The following FRMD6 variants were observed in gnomAD, a reference collection of about 807,000 sequenced individuals.
FRMD6 encodes the protein FERM domain containing 6.
A neutral mutation model predicts 73.2 loss-of-function variants in FRMD6; 37 were observed. The ratio of observed to expected loss-of-function variants is 0.51; its 90% confidence interval spans 0.39 to 0.66. The LOEUF (loss-of-function observed/expected upper bound fraction) is 0.66, where lower values mean the gene tolerates loss of function less well. Ranked by LOEUF, FRMD6 falls within the 30% of genes least tolerant of loss-of-function variation. The probability of loss-of-function intolerance (pLI) is 0.00; values close to 1 mark genes in which losing one functional copy is unlikely to be tolerated. For synonymous variants in FRMD6, 273 were observed against 282.2 expected (o/e 0.97, Z 0.33); for missense variants, 714 against 780.5 (o/e 0.91, Z 1.02).
chr14:51,529,606 A>T (rs1194386743), intron 1 of FRMD6, among the ~76,000 whole-genome samples: 1 of 152,210 alleles, frequency 6.6e-6, no homozygotes, highest in African/African-American at 2.4e-5. Context: ...CAGGAAAAAG[A>T]ACTGAAATTT....
In FRMD6 at chr14:51,690,926, A is replaced by G. The variant is rs371315316; in HGVS notation, c.99+991A>G. Reference sequence around the variant, plus strand: ...ATAGAAACCTTATGTGTGCAGCTCAATGAATGTTTACAATTGTATACATCC... The same window carrying G: ...ATAGAAACCTTATGTGTGCAGCTCAGTGAATGTTTACAATTGTATACATCC... On this transcript the variant is annotated intron_variant, in intron 2 of 13. Coordinates refer to ENST00000344768, the MANE Select transcript of FRMD6 (RefSeq NM_001267046.2). 9.2e-5 allele frequency among the ~76,000 whole-genome samples: 14 copies of G among 152,336 alleles called. No homozygotes were observed. In the East Asian group the frequency reaches 1.7e-3, roughly 19 times the overall value.
upstream of FRMD6, among the ~76,000 whole-genome samples, chr14:51,646,993 T>C (rs1255893515): frequency 6.6e-6 from 1 of 151,952 alleles, no homozygotes; most frequent in Non-Finnish European, 1.5e-5. Flanking sequence ...TTATTACATC[T>C]GGAGTATTCT....
chr14:51,691,433 T>A (rs1895555347), intron 2 of FRMD6, among the ~76,000 whole-genome samples: 1 of 152,162 alleles, frequency 6.6e-6, no homozygotes, highest in Admixed American at 6.5e-5. Context: ...GTGTCATGCC[T>A]AAGATTTTTC....
intron 1 of FRMD6, among the ~76,000 whole-genome samples, chr14:51,677,281 A>G (rs1024573634): frequency 2.0e-5 from 3 of 152,106 alleles, no homozygotes; most frequent in African/African-American, 4.8e-5. Flanking sequence ...TCTCTTTGGG[A>G]AGAAGTATTT....
chr14:51,430,740 A>G, the FRMD6 span, among the ~76,000 whole-genome samples: 5 of 152,336 alleles, frequency 3.3e-5, no homozygotes, highest in African/African-American at 4.8e-5. Context: ...CATGAACTGC[A>G]TGGTGTTTGC....
At chr14:51,617,148 G>A (rs1890747949) in intron 2 of FRMD6, among the ~76,000 whole-genome samples, 1 of 152,170 alleles carries the variant, frequency 6.6e-6, no homozygotes, top group African/African-American at 2.4e-5. Flanking sequence ...TTATTGAACC[G>A]TTTTGCATGT....
At chr14:51,610,351 A>G (rs1184395453) in intron 2 of FRMD6, among the ~76,000 whole-genome samples, 1 of 150,214 alleles carries the variant, frequency 6.7e-6, no homozygotes, top group African/African-American at 2.4e-5. Context: ...AAAAAAAAAA[A>G]GCTGCAATCT....
chr14:51,408,832 GAA>G, the FRMD6 span, among the ~76,000 whole-genome samples: 2 of 151,946 alleles, frequency 1.3e-5, no homozygotes, highest in African/African-American at 4.8e-5. Context: ...CTCCTATTTT[GAA>G]AAGTTTATCT....
chr14:51,622,949 T>A lies in FRMD6; in HGVS notation c.-147+52539T>A, dbSNP rs1566508685. Reference sequence around the variant, plus strand: ...CTCGGCTAATTTTTTAAAAGATTTTTTGTAGAGATGGGGTCTTGCCGTGTT... The same window carrying A: ...CTCGGCTAATTTTTTAAAAGATTTTATGTAGAGATGGGGTCTTGCCGTGTT... On this transcript the variant is annotated intron_variant, in intron 2 of 14. Coordinates refer to the FRMD6 transcript ENST00000356218. Among the ~76,000 whole-genome samples the A allele has an allele frequency of 2.6e-5, 4 of 152,206 alleles. 1 individual carries two copies. The Middle Eastern group carries it at 0.014, about 521-fold the overall frequency.
At chr14:51,440,743 T>C in the FRMD6 span, among the ~76,000 whole-genome samples, 2,012 of 152,342 alleles carry the variant, frequency 0.013, 26 homozygotes, top group Middle Eastern at 0.048. Context: ...CCAACATTTA[T>C]TGAATACTTA....
At chr14:51,468,032 C>T in the FRMD6 span, among the ~76,000 whole-genome samples, 1 of 152,112 alleles carries the variant, frequency 6.6e-6, no homozygotes, top group Admixed American at 6.5e-5. Context: ...ACTCAGTCTG[C>T]AATCCCGGCA....
intron 2 of FRMD6, among the ~76,000 whole-genome samples, chr14:51,616,636 GT>G (rs1213449441): frequency 1.3e-5 from 2 of 152,120 alleles, no homozygotes; most frequent in African/African-American, 4.8e-5. Flanking sequence ...GCCTGGGGTG[GT>G]AAAGAACACA....
upstream of FRMD6, among the ~76,000 whole-genome samples, chr14:51,648,533 G>T (rs1025966943): frequency 6.6e-6 from 1 of 152,232 alleles, no homozygotes; most frequent in Non-Finnish European, 1.5e-5. Context: ...CAACGTGCTT[G>T]CAAGTTTGAG....
intron 1 of FRMD6, among the ~76,000 whole-genome samples, chr14:51,545,498 G>A (rs1466500538): frequency 6.6e-6 from 1 of 152,038 alleles, no homozygotes; most frequent in Non-Finnish European, 1.5e-5. Flanking sequence ...TTGCAAACTA[G>A]TATTTAAACT....
At chr14:51,574,860 C>A (rs117165840) in intron 2 of FRMD6, among the ~76,000 whole-genome samples, 2 of 152,232 alleles carry the variant, frequency 1.3e-5, no homozygotes, top group East Asian at 3.9e-4. Context: ...AGTATAAATG[C>A]TTGAGGTGAT....
chr14:51,566,113 C>CATGT (rs1294089671), intron 1 of FRMD6, among the ~76,000 whole-genome samples: 3 of 152,140 alleles, frequency 2.0e-5, no homozygotes, highest in Non-Finnish European at 2.9e-5. Context: ...TGCAGTGAGC[C>CATGT]GAGATCATGC....
At chr14:51,539,532 C>T (rs1365903555) in intron 1 of FRMD6, among the ~76,000 whole-genome samples, 1 of 152,232 alleles carries the variant, frequency 6.6e-6, no homozygotes, top group South Asian at 2.1e-4. Flanking sequence ...ATGCACCTAT[C>T]ACAAAGAACT....
At chr14:51,532,726 A>T (rs1020563809) in intron 1 of FRMD6, among the ~76,000 whole-genome samples, 5 of 152,228 alleles carry the variant, frequency 3.3e-5, no homozygotes, top group African/African-American at 1.2e-4. Flanking sequence ...ACTCTTGAGG[A>T]CAGAGTTTGT....
At chr14:51,672,932 A>G (rs1028800462) in intron 1 of FRMD6, among the ~76,000 whole-genome samples, 3 of 152,128 alleles carry the variant, frequency 2.0e-5, no homozygotes, top group Non-Finnish European at 2.9e-5. Flanking sequence ...TGGGCATTAA[A>G]GAGTTTGGAC....
Sources: allele counts gnomAD v4.1 joint callset (sites outside exome capture counted in the v4.1 genomes callset), GRCh38; gene constraint gnomAD v4.1.1; transcripts MANE v1.5; gene names NCBI Gene and HGNC (gene_info 2026-07-23, HGNC 2026-07-21).